The following GULP1 variants were observed in gnomAD, a reference collection of about 807,000 sequenced individuals.
GULP1 encodes the protein PTB domain-containing engulfment adapter protein 1.
GULP1 carries 19 observed loss-of-function variants against 40.9 expected under a neutral mutation model. That is an observed-to-expected ratio of 0.46 (90% confidence interval 0.32 to 0.68). GULP1 has a LOEUF of 0.68. Among genes scored for constraint, GULP1 ranks in the 30% least tolerant of loss-of-function variants. GULP1 has a pLI of 0.03. For synonymous variants in GULP1, 119 were observed against 117.6 expected (o/e 1.01, Z -0.08); for missense variants, 312 against 362.2 (o/e 0.86, Z 1.12).
chr2:188,473,964 A>G lies in GULP1; in HGVS notation c.-44-3695A>G, dbSNP rs954968663. On this transcript the variant is annotated intron_variant, in intron 2 of 11. Coordinates refer to ENST00000409830, the MANE Select transcript of GULP1 (RefSeq NM_016315.4). Reference sequence around the variant, plus strand: ...CCTGAGTATTACTGCTGGTTATTCAATGCCCAAGGGCTCTTCAGTTAGTAG... The same window carrying G: ...CCTGAGTATTACTGCTGGTTATTCAGTGCCCAAGGGCTCTTCAGTTAGTAG... 8.5e-5 allele frequency among the ~76,000 whole-genome samples: 13 copies of G among 152,310 alleles called. No homozygotes were observed. The South Asian group carries it at 1.0e-3, about 12-fold the overall frequency.
intron 1 of GULP1, among the ~76,000 whole-genome samples, chr2:188,301,705 G>A (rs1297837487): frequency 6.6e-6 from 1 of 152,154 alleles, no homozygotes; most frequent in Non-Finnish European, 1.5e-5. Flanking sequence ...AGAGGACTAA[G>A]GGGAATGGGT....
At chr2:188,508,073 A>C (rs1464157418) in intron 4 of GULP1, among the ~76,000 whole-genome samples, 1 of 151,968 alleles carries the variant, frequency 6.6e-6, no homozygotes, top group Non-Finnish European at 1.5e-5. Flanking sequence ...TACCAGGATT[A>C]GAAATTTAAA....
rs900148679 is a variant in GULP1, at chr2:188,308,270, G to T, written c.-172+16104G>T. 2.6e-4 allele frequency among the ~76,000 whole-genome samples: 39 copies of T among 151,994 alleles called. 1 individual carries two copies. Among genetic ancestry groups the T allele is most frequent in the African/African-American group, 9.2e-4 (38 of 41,388 alleles). Reference sequence around the variant, plus strand: ...TGGACAGAATCTGTTTTTTAGGTTTGGTATTTTAAATGCATCATTTCCATC... The same window carrying T: ...TGGACAGAATCTGTTTTTTAGGTTTTGTATTTTAAATGCATCATTTCCATC... On this transcript the variant is annotated intron_variant, in intron 1 of 11. Coordinates refer to ENST00000409830, the MANE Select transcript of GULP1 (RefSeq NM_016315.4).
At chr2:188,380,957 A>G (rs1437383768) in intron 1 of GULP1, among the ~76,000 whole-genome samples, 2 of 152,172 alleles carry the variant, frequency 1.3e-5, no homozygotes, top group African/African-American at 4.8e-5. Context: ...AGTTGGTTTC[A>G]TTTAATTTCA....
At chr2:188,443,838 A>C (rs2058155172) in intron 2 of GULP1, among the ~76,000 whole-genome samples, 3 of 151,542 alleles carry the variant, frequency 2.0e-5, no homozygotes, top group South Asian at 4.2e-4. Flanking sequence ...AGGTGCCTGC[A>C]AAAAAAATGA....
At chr2:188,450,311 G>A (rs1189903082) in intron 2 of GULP1, among the ~76,000 whole-genome samples, 1 of 152,090 alleles carries the variant, frequency 6.6e-6, no homozygotes, top group Non-Finnish European at 1.5e-5. Flanking sequence ...ATTTATGTAT[G>A]TAATCACTCT....
At chr2:188,528,700 CAA>C (rs1223089016) in intron 5 of GULP1, among the ~76,000 whole-genome samples, 1 of 151,976 alleles carries the variant, frequency 6.6e-6, no homozygotes, top group Non-Finnish European at 1.5e-5. Context: ...CTAAAAATGG[CAA>C]AGAGGGCATA....
chr2:188,353,953 A>G (rs2044880194), intron 1 of GULP1, among the ~76,000 whole-genome samples: 1 of 151,898 alleles, frequency 6.6e-6, no homozygotes, highest in Admixed American at 6.6e-5. Flanking sequence ...CTGAGTCCCA[A>G]AGAAACAGTG....
chr2:188,555,716 A>T (rs1188376800), intron 7 of GULP1, among the ~76,000 whole-genome samples: 1 of 151,986 alleles, frequency 6.6e-6, no homozygotes, highest in Non-Finnish European at 1.5e-5. Context: ...CTGCTTAGGG[A>T]TCATTGATCT....
intron 1 of GULP1, among the ~76,000 whole-genome samples, chr2:188,333,510 A>G (rs2041890550): frequency 6.6e-6 from 1 of 152,116 alleles, no homozygotes; most frequent in South Asian, 2.1e-4. Flanking sequence ...TATGTACAGC[A>G]TCTCTTAATC....
chr2:188,581,638 A>T (rs1194227131), intron 9 of GULP1, among the ~76,000 whole-genome samples: 2 of 152,086 alleles, frequency 1.3e-5, no homozygotes, highest in Non-Finnish European at 2.9e-5. Context: ...GTTATTCATT[A>T]TCTCTCTGAT....
At chr2:188,539,737 C>G (rs1342180718) in intron 6 of GULP1, among the ~76,000 whole-genome samples, 1 of 152,080 alleles carries the variant, frequency 6.6e-6, no homozygotes, top group East Asian at 1.9e-4. Context: ...GTTCTCTTAG[C>G]ATTTATTTGT....
chr2:188,518,619 C>A (rs2065424790), intron 4 of GULP1, among the ~76,000 whole-genome samples: 1 of 152,098 alleles, frequency 6.6e-6, no homozygotes, highest in South Asian at 2.1e-4. Flanking sequence ...GAGTGTGAGT[C>A]ATTACCAGCA....
At chr2:188,528,543 T>C (rs1240636999) in intron 5 of GULP1, among the ~76,000 whole-genome samples, 1 of 152,186 alleles carries the variant, frequency 6.6e-6, no homozygotes, top group Non-Finnish European at 1.5e-5. Flanking sequence ...ACTATATTTG[T>C]AGTTCTAGAC....
chr2:188,375,826 TG>T (rs2048222676), intron 1 of GULP1, among the ~76,000 whole-genome samples: 1 of 152,136 alleles, frequency 6.6e-6, no homozygotes, highest in Admixed American at 6.6e-5. Context: ...CTGTTTCTAT[TG>T]ATCTTGGTGC....
In GULP1 at chr2:188,575,515, G is replaced by C. The variant is rs796518628; in HGVS notation, c.609+5395G>C. 1.5e-4 allele frequency among the ~76,000 whole-genome samples: 23 copies of C among 152,296 alleles called. 1 individual carries two copies. Among genetic ancestry groups the C allele is most frequent in the African/African-American group, 5.5e-4 (23 of 41,562 alleles). ...AAACAAAATAGAGCAGAATAGAAGAGAATGATTGAGAATTTTGTTTAGAGA... is the reference window on the plus strand; with the variant it reads ...AAACAAAATAGAGCAGAATAGAAGACAATGATTGAGAATTTTGTTTAGAGA... On this transcript the variant is annotated intron_variant, in intron 9 of 11. Transcript: ENST00000409830.
intron 6 of GULP1, among the ~76,000 whole-genome samples, chr2:188,537,865 T>C (rs2153278011): frequency 6.6e-6 from 1 of 152,206 alleles, no homozygotes; most frequent in South Asian, 2.1e-4. Context: ...ATTTCAGAAC[T>C]TGATATTGTT....
chr2:188,515,600 A>G (rs767780936), intron 4 of GULP1, among the ~76,000 whole-genome samples: 1 of 152,030 alleles, frequency 6.6e-6, no homozygotes, highest in South Asian at 2.1e-4. Flanking sequence ...TTTCTTAAAT[A>G]TTACCCACAC....
At chr2:188,450,348 G>A (rs940826900) in intron 2 of GULP1, among the ~76,000 whole-genome samples, 3 of 152,024 alleles carry the variant, frequency 2.0e-5, no homozygotes, top group Admixed American at 1.3e-4. Flanking sequence ...ACAGTTAAGT[G>A]TGTATAATAC....
Sources: gnomAD v4.1 joint callset for allele counts (sites outside exome capture counted in the v4.1 genomes callset) on GRCh38, gnomAD v4.1.1 for gene constraint, MANE v1.5 for transcripts, NCBI Gene and HGNC (gene_info 2026-07-23, HGNC 2026-07-21) for gene names.